Variants in INO80 observed in about 807,000 individuals in gnomAD.
INO80 encodes chromatin-remodeling ATPase INO80.
In INO80, 20 loss-of-function variants were observed where a neutral mutation model predicts 203.4. The ratio of observed to expected loss-of-function variants is 0.10; its 90% CI spans 0.07 to 0.14. INO80 has a LOEUF of 0.14. INO80 is among the 10% of genes least tolerant of loss of function. INO80 has a pLI of 1.00. For missense variants in INO80, 1,419 were observed against 1,914.4 expected (o/e 0.74, Z 4.83); for synonymous variants, 726 against 685.2 (o/e 1.06, Z -0.93).
chr15:40,983,738 G>A (rs768387564), intron 34 of INO80, 24 bp downstream of exon 34: 1 of 1,609,946 alleles, frequency 6.2e-7, no homozygotes, highest in East Asian at 2.2e-5. Flanking sequence ...CCAGGCCCAA[G>A]CTGTACAAGA....
rs143309754 is a variant in INO80, at chr15:41,014,168, C to T, written c.3402+1920G>A. Reference sequence around the variant, plus strand: ...ACCACCTACACTCACCTTCACCTACCGAAGCTAGTTTATTTTTGGATTGCT... The same window carrying T: ...ACCACCTACACTCACCTTCACCTACTGAAGCTAGTTTATTTTTGGATTGCT... On this transcript the variant is annotated intron_variant, in intron 27 of 35. Coordinates refer to ENST00000648947, the MANE Select transcript of INO80 (RefSeq NM_017553.3). Among the ~76,000 whole-genome samples, 85 of 152,274 alleles carry T rather than the reference C, an allele frequency of 5.6e-4. 2 individuals are homozygous for T. The highest frequency in any genetic ancestry group is 1.9e-3 in the African/African-American group (79 of 41,540).
chr15:41,040,789 A>C (rs1052041070), intron 24 of INO80, among the ~76,000 whole-genome samples: 2 of 152,162 alleles, frequency 1.3e-5, no homozygotes, highest in Admixed American at 6.6e-5. Context: ...TCAAAAAAAA[A>C]AGGGTGGGCA....
intron 1 of INO80, among the ~76,000 whole-genome samples, chr15:41,099,258 A>AC (rs1596326886): frequency 1.5e-5 from 2 of 133,780 alleles, no homozygotes; most frequent in East Asian, 3.9e-4. Context: ...AAAAAAAAAA[A>AC]AAAAAAAAAC....
At chr15:41,099,062 T>G (rs1469209984) in intron 1 of INO80, among the ~76,000 whole-genome samples, 1 of 151,334 alleles carries the variant, frequency 6.6e-6, no homozygotes, top group Non-Finnish European at 1.5e-5. Context: ...CTGGGCAACA[T>G]AGCAGGACCG....
chr15:41,032,835 C>T (rs976182826), intron 24 of INO80, among the ~76,000 whole-genome samples: 13 of 152,212 alleles, frequency 8.5e-5, no homozygotes, highest in African/African-American at 2.6e-4. Flanking sequence ...GTCAGGAGTT[C>T]GAAACCAGCC....
chr15:41,069,831 T>C (rs2045282693), intron 13 of INO80, among the ~76,000 whole-genome samples, 166 bp from the exon 14 acceptor site: 1 of 152,114 alleles, frequency 6.6e-6, no homozygotes, highest in African/African-American at 2.4e-5. Context: ...ATGTTAATAA[T>C]AAGAACATAA....
intron 16 of INO80, 43 bp downstream of exon 16, chr15:41,058,596 C>CT (rs1566932449): frequency 1.3e-6 from 2 of 1,500,430 alleles, no homozygotes; most frequent in Non-Finnish European, 1.8e-6. Flanking sequence ...TGTGTGTGTA[C>CT]TTAACCCAAT....
intron 1 of INO80, among the ~76,000 whole-genome samples, chr15:41,114,360 GA>G (rs2045998563): frequency 6.6e-6 from 1 of 152,054 alleles, no homozygotes; most frequent in African/African-American, 2.4e-5. Context: ...ATAGGAGGAG[GA>G]GCTTGGAAAT....
chr15:40,983,229 T>C, intron 34 of INO80, 152 bp from the exon 35 acceptor site: 1 of 609,676 alleles, frequency 1.6e-6, no homozygotes, highest in Non-Finnish European at 2.9e-6. Context: ...TAATGATGGC[T>C]AGACCACTGA....
chr15:41,088,087 C>CTTTTTTT (rs943111352), intron 5 of INO80, among the ~76,000 whole-genome samples: 38 of 101,022 alleles, frequency 3.8e-4, no homozygotes, highest in African/African-American at 7.9e-4. Flanking sequence ...GCTTGCTTTT[C>CTTTTTTT]TTTTTTTTTT....
intron 16 of INO80, among the ~76,000 whole-genome samples, chr15:41,058,017 A>C (rs569942299): frequency 6.6e-6 from 1 of 152,264 alleles, no homozygotes; most frequent in African/African-American, 2.4e-5. Flanking sequence ...TAAACACATA[A>C]CTTAGAATAA....
chr15:41,081,049 G>A lies in INO80; in HGVS notation c.898C>T (p.Arg300Cys), dbSNP rs2045477371. The A allele has an allele frequency of 1.2e-6, 2 of 1,600,484 alleles. No homozygotes were observed. Among genetic ancestry groups the A allele is most frequent in the Middle Eastern group, 1.7e-4 (1 of 6,050 alleles). ...CGGCTATTGGTGAGAAACAGGTTAC[G>A]AGCTGAAGCTTTCTGCTTATTTGCC... is the stretch of plus-strand genomic sequence containing the variant. ...PKANKQKASA[R>C]NLFLTNSRKL... The change falls in exon 8 of 36, where the codon CGT (arginine) becomes TGT (cysteine). Residue 300 changes from arginine to cysteine, a missense_variant. Around this residue, in one of 9 missense-constraint regions of INO80, gnomAD observed 87 missense variants for 150.5 expected, o/e 0.58. Transcript: ENST00000648947.
chr15:41,071,284 T>C (rs2045309396), intron 12 of INO80, among the ~76,000 whole-genome samples: 1 of 152,178 alleles, frequency 6.6e-6, no homozygotes, highest in African/African-American at 2.4e-5. Flanking sequence ...CTAGGGTACA[T>C]GTGCACAACG....
intron 24 of INO80, among the ~76,000 whole-genome samples, chr15:41,038,170 A>G (rs2044611657): frequency 1.3e-5 from 2 of 151,044 alleles, no homozygotes; most frequent in African/African-American, 4.9e-5. Context: ...ACAGGCCACC[A>G]TGCCTGGCTA....
At chr15:41,079,323 T>C (rs1280735357) in intron 9 of INO80, among the ~76,000 whole-genome samples, 1 of 152,078 alleles carries the variant, frequency 6.6e-6, no homozygotes. Context: ...TCTTTCTCTT[T>C]TGCTCATTCC....
chr15:41,074,155 A>G (rs2045365920), intron 10 of INO80, among the ~76,000 whole-genome samples: 1 of 152,164 alleles, frequency 6.6e-6, no homozygotes, highest in South Asian at 2.1e-4. Flanking sequence ...AACTTGCAAG[A>G]TCATATAACC....
chr15:41,068,527 C>A (rs2045259421), intron 14 of INO80, among the ~76,000 whole-genome samples: 1 of 151,788 alleles, frequency 6.6e-6, no homozygotes, highest in Non-Finnish European at 1.5e-5. Context: ...CACCATTACA[C>A]TCTAGCCTGG....
At chr15:41,100,104 A>C (rs2045785163) in intron 1 of INO80, among the ~76,000 whole-genome samples, 1 of 152,082 alleles carries the variant, frequency 6.6e-6, no homozygotes, top group Non-Finnish European at 1.5e-5. Context: ...TTTTGAGACA[A>C]AGTCTTGTAG....
At chr15:41,037,639 A>C (rs2044600118) in intron 24 of INO80, among the ~76,000 whole-genome samples, 2 of 152,176 alleles carry the variant, frequency 1.3e-5, no homozygotes, top group African/African-American at 4.8e-5. Flanking sequence ...AGAGTTTTTC[A>C]TCCTATTAAA....
Sources: gnomAD v4.1 joint callset for allele counts (sites outside exome capture counted in the v4.1 genomes callset) on GRCh38, gnomAD v4.1.1 for gene constraint, gnomAD v4.1.1 regional missense constraint, MANE v1.5 for transcripts, NCBI Gene and HGNC (gene_info 2026-07-23, HGNC 2026-07-21) for gene names.